CSMD3: variants seen among roughly 807,000 people sequenced by gnomAD.
CSMD3 encodes CUB and sushi domain-containing protein 3.
CSMD3 carries 177 observed loss-of-function variants against 435.2 expected under a neutral mutation model. The ratio of observed to expected loss-of-function variants is 0.41; its 90% CI spans 0.36 to 0.46. CSMD3 has a LOEUF of 0.46. Among genes scored for constraint, CSMD3 ranks in the 20% least tolerant of loss-of-function variants. CSMD3 has a pLI of 0.34. For synonymous variants in CSMD3, 1,656 were observed against 1,520.5 expected, an observed-to-expected ratio of 1.09 and a Z score of -2.07; for missense variants, 4,265 against 4,504.6, an observed-to-expected ratio of 0.95 and a Z score of 1.52.
chr8:112,820,889 T>A (rs2079511885), intron 12 of CSMD3, among the ~76,000 whole-genome samples: 1 of 152,154 alleles, frequency 6.6e-6, no homozygotes, highest in African/African-American at 2.4e-5. Flanking sequence ...CACTTATGAG[T>A]GAGAACATGC....
At chr8:113,369,779 A>G (rs1477634985) in intron 1 of CSMD3, among the ~76,000 whole-genome samples, 2 of 152,002 alleles carry the variant, frequency 1.3e-5, no homozygotes, top group East Asian at 3.9e-4. Context: ...CATGGAGGAC[A>G]TTATGTTAAG....
intron 10 of CSMD3, among the ~76,000 whole-genome samples, chr8:112,891,056 G>A (rs959605932): frequency 6.6e-6 from 1 of 151,542 alleles, no homozygotes; most frequent in African/African-American, 2.4e-5. Context: ...CCATCAGAGA[G>A]CAGGATAGTA....
chr8:113,030,394 T>C, intron 5 of CSMD3, among the ~76,000 whole-genome samples: 1 of 112,856 alleles, frequency 8.9e-6, no homozygotes, highest in East Asian at 2.7e-4. Context: ...AAGGCCATAG[T>C]CACCAAAACA....
At chr8:112,919,816 T>C (rs1477352004) in intron 10 of CSMD3, among the ~76,000 whole-genome samples, 1 of 151,912 alleles carries the variant, frequency 6.6e-6, no homozygotes, top group Non-Finnish European at 1.5e-5. Context: ...AAATGTATTA[T>C]TCATTATTCA....
At chr8:112,342,956 A>G (rs1344447869) in intron 41 of CSMD3, among the ~76,000 whole-genome samples, 1 of 107,924 alleles carries the variant, frequency 9.3e-6, no homozygotes, top group Non-Finnish European at 2.0e-5. Flanking sequence ...ATGTTTCTTT[A>G]CCTCTTGAAA....
chr8:112,417,479 A>G (rs1021798932), intron 32 of CSMD3, among the ~76,000 whole-genome samples: 3 of 152,182 alleles, frequency 2.0e-5, no homozygotes, highest in Non-Finnish European at 4.4e-5. Context: ...TATGTTCCTA[A>G]TTCAGTCAGA....
intron 11 of CSMD3, among the ~76,000 whole-genome samples, chr8:112,837,008 CG>C (rs1160797384): frequency 6.6e-6 from 1 of 151,628 alleles, no homozygotes; most frequent in East Asian, 1.9e-4. Flanking sequence ...AAATATTTTC[CG>C]TGCATCCCAA....
In CSMD3 at chr8:112,237,328, G is replaced by T. The variant is rs2129993566; in HGVS notation, c.10489C>A (p.Gln3497Lys). The T allele has an allele frequency of 6.2e-7, 1 of 1,611,114 alleles. No homozygotes were observed. Among genetic ancestry groups the T allele is most frequent in the Non-Finnish European group, 8.5e-7 (1 of 1,177,702 alleles). ...TAAGAGCCTTTCCATATATAATTTT[G>T]GGCAAATACATCATCAGGAACTGTG... Reference protein sequence around the residue: ...KLSVPDDVFAQNYIWKGSYNF... With the variant: ...KLSVPDDVFAKNYIWKGSYNF... Residue 3497 changes from glutamine to lysine, a missense_variant, in exon 67 of 71, where the codon CAA becomes AAA. By Grantham distance (53) the Gln-to-Lys change is moderately conservative (BLOSUM62 1). Around this residue, in one of 3 missense-constraint regions of CSMD3, gnomAD observed 3,255 missense variants for 3,380.2 expected, o/e 0.96. Transcript: ENST00000297405.
At chr8:112,324,125 C>T (rs1445654124) in intron 45 of CSMD3, among the ~76,000 whole-genome samples, 1 of 151,990 alleles carries the variant, frequency 6.6e-6, no homozygotes, top group East Asian at 1.9e-4. Context: ...TTAGATAAAG[C>T]AAGATCATTA....
chr8:112,425,174 A>G (rs1023985824), intron 32 of CSMD3, among the ~76,000 whole-genome samples: 1 of 152,198 alleles, frequency 6.6e-6, no homozygotes, highest in Non-Finnish European at 1.5e-5. Flanking sequence ...ATTATCATTT[A>G]TTTTACATAC....
chr8:113,097,180 T>G (rs1258451134), intron 5 of CSMD3, among the ~76,000 whole-genome samples: 1 of 152,090 alleles, frequency 6.6e-6, no homozygotes, highest in Non-Finnish European at 1.5e-5. Context: ...AATACAATAC[T>G]TTGTAAATAA....
intron 6 of CSMD3, among the ~76,000 whole-genome samples, chr8:112,981,534 C>T (rs1014658097): frequency 5.3e-5 from 8 of 151,390 alleles, no homozygotes; most frequent in Non-Finnish European, 1.2e-4. Context: ...TGTCATTTAT[C>T]ATGTACAAGT....
intron 13 of CSMD3, among the ~76,000 whole-genome samples, chr8:112,784,131 G>A (rs2078473972): frequency 6.6e-6 from 1 of 151,790 alleles, no homozygotes; most frequent in Admixed American, 6.6e-5. Flanking sequence ...ACTAGAAATA[G>A]ATAACAAGAG....
chr8:112,314,562 AGG>A lies in CSMD3; in HGVS notation c.7414_7415del (p.Pro2472TrpfsTer4), dbSNP rs1371949942. On this transcript the variant is annotated frameshift_variant, in exon 48 of 71. Coordinates refer to ENST00000297405, the MANE Select transcript of CSMD3 (RefSeq NM_198123.2). LOFTEE classifies it high-confidence loss of function. ...GATTTGGGTAACTGTCAGGATATCC[AGG>A]GCTCAATATGACTCCAGTAGAATCT... Reference protein sequence around the residue: ...RLDSTGVILSPGYPDSYPNLQ... With the variant: ...RLDSTGVILSXGYPDSYPNLQ... The A allele has an allele frequency of 1.2e-6, 2 of 1,612,720 alleles. No individual in the cohort carries two copies. The highest frequency in any genetic ancestry group is 1.7e-6 in the Non-Finnish European group (2 of 1,178,968).
intron 53 of CSMD3, among the ~76,000 whole-genome samples, chr8:112,297,045 T>C (rs1397068253): frequency 2.0e-5 from 3 of 150,042 alleles, no homozygotes; most frequent in Non-Finnish European, 4.4e-5. Flanking sequence ...AAGGTAAAAA[T>C]ATAAAAATAT....
intron 3 of CSMD3, among the ~76,000 whole-genome samples, chr8:113,265,814 A>C (rs2093465645): frequency 6.6e-6 from 1 of 151,490 alleles, no homozygotes; most frequent in African/African-American, 2.4e-5. Flanking sequence ...TGTTTCCATG[A>C]CTAACTAGGT....
chr8:112,644,614 G>T (rs1307259998), intron 20 of CSMD3, among the ~76,000 whole-genome samples: 1 of 151,934 alleles, frequency 6.6e-6, no homozygotes, highest in Admixed American at 6.6e-5. Flanking sequence ...CTATAGCTCT[G>T]TACTAAAGAA....
At chr8:112,580,616 A>G (rs1830272925) in intron 23 of CSMD3, among the ~76,000 whole-genome samples, 1 of 151,850 alleles carries the variant, frequency 6.6e-6, no homozygotes, top group Non-Finnish European at 1.5e-5. Context: ...GGTGTAACTC[A>G]GTGTCATATA....
At chr8:112,800,029 G>A in intron 13 of CSMD3, 133 bp downstream of exon 13, 1 of 676,880 alleles carries the variant, frequency 1.5e-6, no homozygotes, top group Non-Finnish European at 2.7e-6. Context: ...AAATTAAGGA[G>A]GAAATGATCT....
Sources: allele counts gnomAD v4.1 joint callset (sites outside exome capture counted in the v4.1 genomes callset), GRCh38; gene constraint gnomAD v4.1.1; regional missense constraint gnomAD v4.1.1; transcripts MANE v1.5; gene names NCBI Gene and HGNC (gene_info 2026-07-23, HGNC 2026-07-21).